Variants in FRMD4A observed in about 807,000 individuals in gnomAD.
The protein encoded by FRMD4A is FERM domain containing 4A, also known as FERM domain-containing protein 4A.
FRMD4A carries 29 observed loss-of-function variants against 129.1 expected under a neutral mutation model. That is an observed-to-expected ratio of 0.22 (90% CI 0.17 to 0.31). The LOEUF (loss-of-function observed/expected upper bound fraction) is 0.31, where lower values mean the gene tolerates loss of function less well. Ranked by LOEUF, FRMD4A falls within the 10% of genes least tolerant of loss-of-function variation. FRMD4A has a pLI of 1.00. For missense variants in FRMD4A, 1,272 were observed against 1,375.8 expected (o/e 0.92, Z 1.19); for synonymous variants, 634 against 571.6 (o/e 1.11, Z -1.56).
chr10:14,177,590 T>C (rs776748697), intron 2 of FRMD4A, among the ~76,000 whole-genome samples: 7 of 152,212 alleles, frequency 4.6e-5, no homozygotes, highest in Non-Finnish European at 1.0e-4. Flanking sequence ...TGGCTCTCAA[T>C]CTCCCTAAAG....
chr10:14,251,074 G>C (rs1844422301), intron 2 of FRMD4A, among the ~76,000 whole-genome samples: 1 of 133,376 alleles, frequency 7.5e-6, no homozygotes. Context: ...TACCTAAACT[G>C]TGTAGTAGGC....
At chr10:14,160,706 A>C (rs1840840058) in intron 2 of FRMD4A, among the ~76,000 whole-genome samples, 1 of 152,212 alleles carries the variant, frequency 6.6e-6, no homozygotes, top group Admixed American at 6.5e-5. Context: ...CAACATCACC[A>C]ATCATCAGGG....
chr10:13,697,269 C>G (rs4328131), intron 14 of FRMD4A, among the ~76,000 whole-genome samples: 55,322 of 151,658 alleles, frequency 0.36, 10,583 homozygotes, highest in African/African-American at 0.49. Context: ...CGATTCTCCT[C>G]CCTCAGCCTC....
chr10:14,284,057 T>G (rs1845605263), intron 2 of FRMD4A, among the ~76,000 whole-genome samples: 1 of 152,206 alleles, frequency 6.6e-6, no homozygotes, highest in African/African-American at 2.4e-5. Context: ...AACTATCCTA[T>G]TTTACTTCTC....
At chr10:13,696,690 G>A (rs1231018927) in intron 14 of FRMD4A, among the ~76,000 whole-genome samples, 2 of 152,142 alleles carry the variant, frequency 1.3e-5, no homozygotes, top group African/African-American at 2.4e-5. Context: ...GTTGCAGTGA[G>A]CTGAGATCAC....
intron 2 of FRMD4A, among the ~76,000 whole-genome samples, chr10:14,261,585 G>T (rs1844803354): frequency 6.6e-6 from 1 of 152,206 alleles, no homozygotes; most frequent in South Asian, 2.1e-4. Flanking sequence ...CAGGGAATAT[G>T]CCATTGCAAT....
rs1056345090 is a variant in FRMD4A at position 13,707,888 on chromosome 10, C to T, written c.760-775G>A. 5 of 985,100 alleles carry T rather than the reference C, an allele frequency of 5.1e-6. No individual in the cohort carries two copies. The African/African-American group carries it at 5.2e-5, about 10-fold the overall frequency. The allele number at this position is 985,100 out of a possible 1,614,324, so 61.0% of individuals were successfully genotyped here. ...CATTCCTCCTTCGGACCAGTGAGCTCGTTAACTGAGAAGCTGACTGTAATG... is the reference window on the plus strand; with the variant it reads ...CATTCCTCCTTCGGACCAGTGAGCTTGTTAACTGAGAAGCTGACTGTAATG... On this transcript the variant is annotated intron_variant, in intron 12 of 24. Coordinates refer to ENST00000357447, the MANE Select transcript of FRMD4A (RefSeq NM_018027.5).
intron 2 of FRMD4A, among the ~76,000 whole-genome samples, chr10:13,904,663 A>T (rs186850459): frequency 2.0e-5 from 3 of 152,174 alleles, no homozygotes; most frequent in Non-Finnish European, 4.4e-5. Context: ...TCAGAACCCA[A>T]TAGATTTTTA....
chr10:13,816,328 G>A (rs2093542021), intron 3 of FRMD4A, among the ~76,000 whole-genome samples: 1 of 152,216 alleles, frequency 6.6e-6, no homozygotes, highest in South Asian at 2.1e-4. Context: ...CTGTCATGGT[G>A]ACTGGCAACA....
At chr10:13,896,035 C>A (rs2094754210) in intron 2 of FRMD4A, among the ~76,000 whole-genome samples, 2 of 152,166 alleles carry the variant, frequency 1.3e-5, no homozygotes, top group Non-Finnish European at 2.9e-5. Context: ...GCTGGCGAGG[C>A]TGTGGTGAAA....
At chr10:13,806,719 T>C (rs995136371) in intron 4 of FRMD4A, among the ~76,000 whole-genome samples, 1 of 152,192 alleles carries the variant, frequency 6.6e-6, no homozygotes, top group Admixed American at 6.5e-5. Context: ...TTTCTGGGGG[T>C]AGGTCCCAGG....
intron 13 of FRMD4A, among the ~76,000 whole-genome samples, chr10:13,706,231 T>C (rs1458486566): frequency 6.6e-6 from 1 of 152,216 alleles, no homozygotes; most frequent in Non-Finnish European, 1.5e-5. Context: ...TCTCTGACCT[T>C]ATGGAAAGTG....
rs181840324 is a variant in FRMD4A at position 13,883,477 on chromosome 10, G to A, written c.46-24565C>T. ...ACTGCACTCCAGCCTGGGTGACAGGGTGAGACTTTGTCTCAAAAAACAAAC... is the reference window on the plus strand; with the variant it reads ...ACTGCACTCCAGCCTGGGTGACAGGATGAGACTTTGTCTCAAAAAACAAAC... On this transcript the variant is annotated intron_variant, in intron 2 of 24. Transcript: ENST00000357447. Among the ~76,000 whole-genome samples the A allele has an allele frequency of 3.6e-3, 555 of 152,222 alleles. 7 individuals are homozygous for A. Among genetic ancestry groups the A allele is most frequent in the Admixed American group, 0.033 (499 of 15,278 alleles).
At chr10:13,846,849 C>T (rs1190905708) in intron 3 of FRMD4A, among the ~76,000 whole-genome samples, 2 of 152,122 alleles carry the variant, frequency 1.3e-5, no homozygotes, top group Admixed American at 1.3e-4. Context: ...GATGGATACT[C>T]TGGTTGTGTC....
intron 2 of FRMD4A, among the ~76,000 whole-genome samples, chr10:13,875,495 A>C (rs925511880): frequency 6.6e-6 from 1 of 152,188 alleles, no homozygotes; most frequent in Non-Finnish European, 1.5e-5. Flanking sequence ...CAAATGTCAA[A>C]GTTGGGGTCA....
At chr10:13,762,201 T>C (rs1284566722) in intron 7 of FRMD4A, among the ~76,000 whole-genome samples, 2 of 152,226 alleles carry the variant, frequency 1.3e-5, no homozygotes, top group African/African-American at 2.4e-5. Context: ...TAATATTCTA[T>C]AACATCTTTT....
At chr10:13,842,824 G>C (rs1308036404) in intron 3 of FRMD4A, among the ~76,000 whole-genome samples, 1 of 152,028 alleles carries the variant, frequency 6.6e-6, no homozygotes, top group East Asian at 1.9e-4. Flanking sequence ...GCAAAACCCT[G>C]CCTCTAAAAA....
intron 12 of FRMD4A, among the ~76,000 whole-genome samples, chr10:13,713,861 T>TATATATACACATATA (rs2088336855): frequency 5.2e-5 from 1 of 19,080 alleles, no homozygotes; most frequent in Non-Finnish European, 7.4e-5. Flanking sequence ...ATATATATAA[T>TATATATACACATATA]ATATATACAT....
chr10:14,053,922 A>G (rs576315188), intron 2 of FRMD4A, among the ~76,000 whole-genome samples: 1 of 152,230 alleles, frequency 6.6e-6, no homozygotes, highest in East Asian at 1.9e-4. Context: ...CAGGAGGATC[A>G]CCTGAGCCCA....
Sources: gnomAD v4.1 joint callset for allele counts (sites outside exome capture counted in the v4.1 genomes callset) on GRCh38, gnomAD v4.1.1 for gene constraint, MANE v1.5 for transcripts, NCBI Gene and HGNC (gene_info 2026-07-23, HGNC 2026-07-21) for gene names.